NFATC3: variants seen among roughly 807,000 people sequenced by gnomAD.
NFATC3 encodes nuclear factor of activated T cells 3.
NFATC3 carries 46 observed loss-of-function variants against 98.6 expected under a neutral mutation model. The observed-to-expected ratio is 0.47, with a 90% CI of 0.37 to 0.60. NFATC3 has a LOEUF of 0.60. NFATC3 is among the 20% of genes least tolerant of loss of function. The probability of loss-of-function intolerance (pLI) is 0.00; values close to 1 mark genes in which losing one functional copy is unlikely to be tolerated. For missense variants in NFATC3, 1,256 were observed against 1,295.5 expected (o/e 0.97, Z 0.47); for synonymous variants, 512 against 472.2 (o/e 1.08, Z -1.09).
intron 9 of NFATC3, among the ~76,000 whole-genome samples, chr16:68,215,457 T>G (rs2041595598): frequency 6.6e-6 from 1 of 152,270 alleles, no homozygotes; most frequent in Non-Finnish European, 1.5e-5. Context: ...TAAAGCTTAC[T>G]TCTTCCAGTG....
chr16:68,137,837 C>T (rs936505922), intron 3 of NFATC3, among the ~76,000 whole-genome samples: 6 of 151,982 alleles, frequency 3.9e-5, no homozygotes, highest in South Asian at 2.1e-4. Flanking sequence ...AGGATGGTCA[C>T]GATCTTCTGA....
At chr16:68,126,375 C>T in intron 2 of NFATC3, 73 bp from the exon 3 acceptor site, 1 of 1,403,066 alleles carries the variant, frequency 7.1e-7, no homozygotes, top group Non-Finnish European at 9.7e-7. Context: ...TTGGTGCTGG[C>T]AAAGAAGCCA....
chr16:68,089,277 A>G, intron 1 of NFATC3: 1 of 985,386 alleles, frequency 1.0e-6, no homozygotes, highest in African/African-American at 1.7e-5. Context: ...TTAAAGTGCT[A>G]ATTAGATGAT....
chr16:68,196,884 G>A (rs765326090), intron 9 of NFATC3, among the ~76,000 whole-genome samples: 1 of 151,926 alleles, frequency 6.6e-6, no homozygotes, highest in Non-Finnish European at 1.5e-5. Flanking sequence ...TACAAAATTA[G>A]CCTGGTGTGG....
intron 1 of NFATC3, among the ~76,000 whole-genome samples, chr16:68,117,090 T>G (rs555197070): frequency 1.3e-5 from 2 of 152,180 alleles, no homozygotes; most frequent in Middle Eastern, 3.2e-3. Flanking sequence ...GATCTAAAAT[T>G]GAGTAGAGAG....
intron 1 of NFATC3, among the ~76,000 whole-genome samples, chr16:68,087,097 A>G (rs933097232): frequency 1.3e-5 from 2 of 152,222 alleles, no homozygotes; most frequent in Non-Finnish European, 2.9e-5. Flanking sequence ...AAACAGGAAA[A>G]GTGGCATTTG....
chr16:68,141,618 A>C (rs1390638132), intron 3 of NFATC3, among the ~76,000 whole-genome samples: 1 of 152,056 alleles, frequency 6.6e-6, no homozygotes, highest in Non-Finnish European at 1.5e-5. Flanking sequence ...TCTTCTTTTG[A>C]GAAGTGTCTG....
intron 4 of NFATC3, among the ~76,000 whole-genome samples, chr16:68,163,075 G>A (rs1391597344): frequency 1.3e-5 from 2 of 152,190 alleles, no homozygotes; most frequent in East Asian, 3.9e-4. Context: ...TAAGGTCACA[G>A]ATCAACAGAA....
Position 68,112,674 on chromosome 16 carries a change from C to T in NFATC3, c.104-9313C>T, listed in dbSNP as rs1169443515. Among the ~76,000 whole-genome samples the T allele has an allele frequency of 1.5e-4, 14 of 93,618 alleles. No individual in the cohort carries two copies. The Admixed American group carries it at 1.7e-3, about 12-fold the overall frequency. The allele number at this position is 93,618 out of a possible 152,430, so 61.4% of individuals were successfully genotyped here. The stretch of plus-strand genomic sequence containing the variant: ...TTTTTTTTTTTTTTTTTTTTTGAGA[C>T]GGAGTCTCGCTCTGTCGCCCAGGCC... On this transcript the variant is annotated intron_variant, in intron 1 of 9. Transcript: ENST00000346183.
chr16:68,119,589 A>G (rs74333408), intron 1 of NFATC3, among the ~76,000 whole-genome samples: 3,869 of 152,100 alleles, frequency 0.025, 86 homozygotes, highest in Non-Finnish European at 0.035. Flanking sequence ...ACTTACTATT[A>G]TCCTCTGCCT....
At chr16:68,133,343 A>G (rs993307767) in intron 3 of NFATC3, among the ~76,000 whole-genome samples, 1 of 152,246 alleles carries the variant, frequency 6.6e-6, no homozygotes, top group Non-Finnish European at 1.5e-5. Context: ...TTGAGGTGAT[A>G]TCTTAACCTG....
chr16:68,156,729 C>T (rs2038637158), intron 3 of NFATC3, among the ~76,000 whole-genome samples: 1 of 152,122 alleles, frequency 6.6e-6, no homozygotes, highest in Non-Finnish European at 1.5e-5. Context: ...CACCTGAGGT[C>T]AGGAGTTCAG....
chr16:68,085,386 C>T lies in NFATC3; in HGVS notation c.-296C>T, dbSNP rs2034304968. 4.8e-6 allele frequency: 1 copy of T among 210,090 alleles called. No individual in the cohort carries two copies. Among genetic ancestry groups the T allele is most frequent in the African/African-American group, 2.4e-5 (1 of 41,102 alleles). 13.0% of individuals were successfully genotyped at this position (210,090 alleles called of 1,614,324 possible). A position where few individuals can be genotyped will look rare whatever the true frequency, so the allele number is the denominator to read the frequency against. ...GCGCGCGGCAGGGCGCGAGAGCGCACCCGCGGCGGCGGTGGCGGCGACTGT... is the reference window on the plus strand; with the variant it reads ...GCGCGCGGCAGGGCGCGAGAGCGCATCCGCGGCGGCGGTGGCGGCGACTGT... On this transcript the variant is annotated 5_prime_UTR_variant, in exon 1 of 10. Coordinates refer to ENST00000346183, the MANE Select transcript of NFATC3 (RefSeq NM_173165.3).
chr16:68,124,097 G>A (rs1284613529), intron 2 of NFATC3, among the ~76,000 whole-genome samples: 1 of 152,052 alleles, frequency 6.6e-6, no homozygotes, highest in Non-Finnish European at 1.5e-5. Context: ...ATGGAGTTGT[G>A]CCTGTTAGGA....
chr16:68,214,014 T>C (rs1478760488), intron 9 of NFATC3, among the ~76,000 whole-genome samples: 1 of 152,212 alleles, frequency 6.6e-6, no homozygotes, highest in Non-Finnish European at 1.5e-5. Context: ...GAACTACTAA[T>C]AGATATAATG....
chr16:68,103,761 T>G (rs993323493), intron 1 of NFATC3, among the ~76,000 whole-genome samples: 1 of 152,330 alleles, frequency 6.6e-6, no homozygotes, highest in African/African-American at 2.4e-5. Context: ...CTTTTGCATG[T>G]GATAATCCAG....
intron 5 of NFATC3, among the ~76,000 whole-genome samples, chr16:68,171,070 C>T (rs1283593230): frequency 6.6e-6 from 1 of 151,402 alleles, no homozygotes; most frequent in African/African-American, 2.4e-5. Context: ...TACAGTGGCA[C>T]GATCTCAGCT....
intron 9 of NFATC3, among the ~76,000 whole-genome samples, chr16:68,213,332 G>A (rs1363107920): frequency 2.0e-5 from 3 of 150,314 alleles, no homozygotes; most frequent in African/African-American, 4.9e-5. Flanking sequence ...GGAGAATGGC[G>A]TGAACTCAGG....
chr16:68,216,972 C>T (rs954449827), intron 9 of NFATC3, among the ~76,000 whole-genome samples: 4 of 152,010 alleles, frequency 2.6e-5, no homozygotes, highest in African/African-American at 7.3e-5. Flanking sequence ...TGATCTATTG[C>T]TGGTGAAATT....
Sources: gnomAD v4.1 joint callset for allele counts (sites outside exome capture counted in the v4.1 genomes callset) on GRCh38, gnomAD v4.1.1 for gene constraint, MANE v1.5 for transcripts, NCBI Gene and HGNC (gene_info 2026-07-23, HGNC 2026-07-21) for gene names.